LRP1B: variants seen among roughly 807,000 people sequenced by gnomAD.
LRP1B encodes low-density lipoprotein receptor-related protein 1B.
In LRP1B, 217 loss-of-function variants were observed where a neutral mutation model predicts 556.6. The observed-to-expected ratio is 0.39, with a 90% CI of 0.35 to 0.44. The LOEUF (loss-of-function observed/expected upper bound fraction) is 0.44. Among genes scored for constraint, LRP1B ranks in the 20% least tolerant of loss-of-function variants. The pLI is 1.00. For synonymous variants in LRP1B, 2,047 were observed against 1,865.8 expected (o/e 1.10, Z -2.50); for missense variants, 5,053 against 5,620.8 (o/e 0.90, Z 3.23).
At chr2:141,050,959 G>C (rs1321314857) in intron 10 of LRP1B, among the ~76,000 whole-genome samples, 5 of 151,910 alleles carry the variant, frequency 3.3e-5, no homozygotes, top group Admixed American at 1.3e-4. Context: ...ACATCAAAAA[G>C]TGGGCAAAGG....
intron 41 of LRP1B, among the ~76,000 whole-genome samples, chr2:140,621,810 C>T (rs544784034): frequency 1.4e-4 from 21 of 152,262 alleles, no homozygotes; most frequent in African/African-American, 4.3e-4. Context: ...CTGAACTTAA[C>T]GAAGATGGAT....
At chr2:141,409,334 C>T (rs766941788) in intron 3 of LRP1B, among the ~76,000 whole-genome samples, 8 of 152,038 alleles carry the variant, frequency 5.3e-5, no homozygotes, top group Non-Finnish European at 1.2e-4. Context: ...GCTGTGTATC[C>T]ATGGGCATTT....
intron 2 of LRP1B, among the ~76,000 whole-genome samples, chr2:141,550,514 G>A (rs1685713189): frequency 6.6e-6 from 1 of 152,068 alleles, no homozygotes. Flanking sequence ...TTCTCAAAAA[G>A]TACTATAACG....
Position 141,465,546 on chromosome 2 carries a change from T to TTC in LRP1B, c.343+14849_343+14850insGA, listed in dbSNP as rs200129110. On this transcript the variant is annotated intron_variant, in intron 3 of 90. Coordinates refer to ENST00000389484, the MANE Select transcript of LRP1B (RefSeq NM_018557.3). Reference sequence around the variant, plus strand: ...TTTTTGCTACAGCACAGCATGACTTTTTTTTTTTTTTTTGAGACAAGGTGA... The same window carrying TTC: ...TTTTTGCTACAGCACAGCATGACTTTTCTTTTTTTTTTTTTGAGACAAGGTGA... Among the ~76,000 whole-genome samples the TTC allele has an allele frequency of 1.2e-3, 144 of 118,750 alleles. 1 individual carries two copies. Among genetic ancestry groups the TTC allele is most frequent in the Middle Eastern group, 3.9e-3 (1 of 258 alleles). The allele number at this position is 118,750 out of a possible 152,430, so 77.9% of individuals were successfully genotyped here.
At chr2:141,819,160 C>A (rs967416439) in intron 1 of LRP1B, among the ~76,000 whole-genome samples, 1 of 151,792 alleles carries the variant, frequency 6.6e-6, no homozygotes. Flanking sequence ...ATCACTTGAA[C>A]CCGGGAGGCG....
intron 11 of LRP1B, among the ~76,000 whole-genome samples, chr2:141,032,272 T>C (rs985762793): frequency 3.3e-5 from 5 of 152,116 alleles, no homozygotes; most frequent in African/African-American, 1.2e-4. Context: ...GCATCATGCC[T>C]CATCTGATGG....
intron 5 of LRP1B, among the ~76,000 whole-genome samples, chr2:141,233,100 T>A (rs915968372): frequency 2.0e-5 from 3 of 152,194 alleles, no homozygotes; most frequent in Non-Finnish European, 2.9e-5. Flanking sequence ...TTGGTTGTCA[T>A]CCTTAGTCAA....
At chr2:141,510,911 C>CCACCCCA (rs1684108241) in intron 2 of LRP1B, among the ~76,000 whole-genome samples, 14 of 144,654 alleles carry the variant, frequency 9.7e-5, no homozygotes, top group Non-Finnish European at 9.1e-5. Context: ...CACACACACC[C>CCACCCCA]CACACAAACA....
chr2:141,247,401 A>G (rs773194747), intron 4 of LRP1B, 47 bp from the exon 5 acceptor site: 14 of 1,592,280 alleles, frequency 8.8e-6, no homozygotes, highest in Non-Finnish European at 1.1e-5. Flanking sequence ...TATCTTGGGC[A>G]CTTTTTTTTC....
intron 2 of LRP1B, among the ~76,000 whole-genome samples, chr2:141,653,757 G>A (rs918978738): frequency 2.0e-5 from 3 of 152,212 alleles, no homozygotes; most frequent in Admixed American, 2.0e-4. Flanking sequence ...GTTTGATGGA[G>A]GCTTAGATCA....
At chr2:141,371,109 G>C (rs1386978734) in intron 3 of LRP1B, among the ~76,000 whole-genome samples, 1 of 151,994 alleles carries the variant, frequency 6.6e-6, no homozygotes, top group Non-Finnish European at 1.5e-5. Context: ...TCAGCCTCCT[G>C]AGTAGCTGGG....
intron 18 of LRP1B, 58 bp downstream of exon 18, chr2:140,982,102 G>A (rs1377386144): frequency 5.3e-6 from 7 of 1,327,098 alleles, no homozygotes; most frequent in Non-Finnish European, 7.6e-6. Context: ...AGGGTGTAGT[G>A]GTAGGGTATC....
chr2:141,841,274 AATTT>A (rs1214731171), intron 1 of LRP1B, among the ~76,000 whole-genome samples: 1 of 152,178 alleles, frequency 6.6e-6, no homozygotes, highest in Non-Finnish European at 1.5e-5. Flanking sequence ...AAATAACATG[AATTT>A]ATTTAATTGG....
At chr2:141,424,193 A>T (rs1261949997) in intron 3 of LRP1B, among the ~76,000 whole-genome samples, 2 of 148,050 alleles carry the variant, frequency 1.4e-5, no homozygotes, top group Non-Finnish European at 3.0e-5. Context: ...GGCTCACCTC[A>T]ACCTCTGCCT....
intron 11 of LRP1B, among the ~76,000 whole-genome samples, chr2:141,029,048 A>G (rs1487361118): frequency 6.6e-6 from 1 of 152,142 alleles, no homozygotes; most frequent in Non-Finnish European, 1.5e-5. Context: ...GACTTACAGA[A>G]GAGAGGCATG....
At chr2:141,289,469 T>TG (rs1409209842) in intron 3 of LRP1B, among the ~76,000 whole-genome samples, 1 of 147,744 alleles carries the variant, frequency 6.8e-6, no homozygotes, top group Non-Finnish European at 1.5e-5. Flanking sequence ...AATTACAAAA[T>TG]GGTACTGGAA....
intron 3 of LRP1B, among the ~76,000 whole-genome samples, chr2:141,417,639 T>C (rs1200535396): frequency 6.6e-6 from 1 of 152,196 alleles, no homozygotes; most frequent in Non-Finnish European, 1.5e-5. Context: ...ATTTAAGTTA[T>C]TTCCACCTCT....
At chr2:140,623,801 T>A (rs1003657754) in intron 41 of LRP1B, among the ~76,000 whole-genome samples, 5 of 151,702 alleles carry the variant, frequency 3.3e-5, no homozygotes, top group Non-Finnish European at 7.4e-5. Context: ...TGCCTGTAAT[T>A]CCAGCTACTC....
At chr2:141,593,155 G>C (rs1424482843) in intron 2 of LRP1B, among the ~76,000 whole-genome samples, 2 of 152,122 alleles carry the variant, frequency 1.3e-5, no homozygotes, top group Non-Finnish European at 2.9e-5. Flanking sequence ...GGATTTCAGA[G>C]GGTGAAGAAT....
Sources: allele counts gnomAD v4.1 joint callset (sites outside exome capture counted in the v4.1 genomes callset), GRCh38; gene constraint gnomAD v4.1.1; transcripts MANE v1.5; gene names NCBI Gene and HGNC (gene_info 2026-07-23, HGNC 2026-07-21).